Variants in WASHC2C observed in about 807,000 individuals in gnomAD.
WASHC2C encodes Vaccinia Penetration Factor.
A neutral mutation model predicts 142.2 loss-of-function variants in WASHC2C; 73 were observed. The ratio of observed to expected loss-of-function variants is 0.51; its 90% CI spans 0.43 to 0.62. WASHC2C has a LOEUF of 0.62. Ranked by LOEUF, WASHC2C falls within the 20% of genes least tolerant of loss-of-function variation. The pLI, the probability that WASHC2C is intolerant of heterozygous loss-of-function variation, is 0.00. For missense variants in WASHC2C, 969 were observed against 1,531.7 expected (o/e 0.63, Z 6.13); for synonymous variants, 337 against 565.5 (o/e 0.60, Z 5.73).
chr10:45,766,678 A>G (rs2055871734), intron 19 of WASHC2C, among the ~76,000 whole-genome samples: 1 of 145,166 alleles, frequency 6.9e-6, no homozygotes, highest in African/African-American at 2.6e-5. Flanking sequence ...GAGTCTTAAC[A>G]ATATTTCTGT....
intron 3 of WASHC2C, among the ~76,000 whole-genome samples, chr10:45,735,718 G>A (rs1341354174): frequency 6.6e-6 from 1 of 152,220 alleles, no homozygotes; most frequent in Non-Finnish European, 1.5e-5. Context: ...TAAATTTCAA[G>A]AAGTAGAATT....
chr10:45,727,612 C>T, intron 2 of WASHC2C, 73 bp downstream of exon 2: 1 of 1,472,254 alleles, frequency 6.8e-7, no homozygotes, highest in South Asian at 1.3e-5. Flanking sequence ...GGCCGGACCG[C>T]GACTGCCCCT....
At chr10:45,762,312 A>G (rs1482584288) in intron 17 of WASHC2C, among the ~76,000 whole-genome samples, 1 of 152,134 alleles carries the variant, frequency 6.6e-6, no homozygotes, top group Admixed American at 6.5e-5. Flanking sequence ...TTCCAGGTTC[A>G]AGCAATTCTC....
rs2058247063 is a variant in WASHC2C, at chr10:45,789,064, A to G, written c.3281A>G (p.Glu1094Gly). 14 of 1,612,024 alleles carry G rather than the reference A, an allele frequency of 8.7e-6. No homozygotes were observed. Among genetic ancestry groups the G allele is most frequent in the Non-Finnish European group, 9.3e-6 (11 of 1,179,852 alleles). ...GCCAGTGGAGAAGACAGCACTGAGG[A>G]GGCCCTGGCAGCTGCCGCTGCACCT... Reference protein sequence around the residue: ...RAASGEDSTEEALAAAAAPWE... With the variant: ...RAASGEDSTEGALAAAAAPWE... The change falls in exon 29 of 31, where the codon GAG becomes GGG. Residue 1094 changes from glutamate to glycine, a missense_variant. Transcript: ENST00000623400.
In WASHC2C at chr10:45,792,838, A is replaced by G. The variant is rs1178112569; in HGVS notation, c.*438A>G. ...GAGATTATACTTCATGAGTCTTAGC[A>G]ATATGGGAGCAGGTTTTCACTGAAT... On this transcript the variant is annotated 3_prime_UTR_variant, in exon 31 of 31. Coordinates refer to ENST00000623400, the MANE Select transcript of WASHC2C (RefSeq NM_001330074.2). 1.3e-5 allele frequency: 6 copies of G among 473,022 alleles called. No individual in the cohort carries two copies. The East Asian group carries it at 4.1e-4, about 32-fold the overall frequency. 29.3% of individuals were successfully genotyped at this position (473,022 alleles called of 1,614,324 possible).
chr10:45,760,077 G>A (rs2054899158), intron 17 of WASHC2C, among the ~76,000 whole-genome samples: 1 of 147,630 alleles, frequency 6.8e-6, no homozygotes, highest in Non-Finnish European at 1.5e-5. Flanking sequence ...TGCTGTAGCA[G>A]ATGGGTTCTG....
At position 45,769,322 on chromosome 10, in the gene WASHC2C, G is replaced by A. The variant is rs1453840313; in HGVS notation, c.1870-127G>A. 3.3e-4 allele frequency: 470 copies of A among 1,437,200 alleles called. 3 individuals carry two copies. Among genetic ancestry groups the A allele is most frequent in the Non-Finnish European group, 4.3e-4 (453 of 1,064,554 alleles). The allele number at this position is 1,437,200 out of a possible 1,614,324, so 89.0% of individuals were successfully genotyped here. On this transcript the variant is annotated intron_variant, in intron 19 of 30. Transcript: ENST00000623400. ...TTTAGTAGAGATGGGGTTTCACCGTGTTAGCAAGGATGGTCTTGATCTGCT... is the reference window on the plus strand; with the variant it reads ...TTTAGTAGAGATGGGGTTTCACCGTATTAGCAAGGATGGTCTTGATCTGCT...
intron 21 of WASHC2C, among the ~76,000 whole-genome samples, chr10:45,774,729 T>C (rs1320601614): frequency 4.1e-5 from 2 of 49,292 alleles, no homozygotes; most frequent in African/African-American, 1.5e-4. Flanking sequence ...TGAGAACTAC[T>C]AGCCCAGTAA....
chr10:45,755,647 A>C (rs2054181626), intron 15 of WASHC2C, among the ~76,000 whole-genome samples: 1 of 152,246 alleles, frequency 6.6e-6, no homozygotes, highest in Non-Finnish European at 1.5e-5. Flanking sequence ...TTGTTTTTAA[A>C]TGTGCAGATG....
chr10:45,767,475 G>GT (rs1358942135), intron 19 of WASHC2C, among the ~76,000 whole-genome samples: 1 of 152,416 alleles, frequency 6.6e-6, no homozygotes, highest in East Asian at 1.9e-4. Context: ...AGATTATCCA[G>GT]TTTTTTTCTT....
At position 45,769,498 on chromosome 10, in the gene WASHC2C, G is replaced by A. The variant is rs529729619; in HGVS notation, c.1919G>A (p.Arg640Lys). ...CAGACCCACTTAGCATCTGACAGCAGGTCTAAAGGAGAACCCAGGGATTCT... is the reference window on the plus strand; with the variant it reads ...CAGACCCACTTAGCATCTGACAGCAAGTCTAAAGGAGAACCCAGGGATTCT... ...ASQTHLASDSRSKGEPRDSGT... is the reference protein window; with the variant it reads ...ASQTHLASDSKSKGEPRDSGT... Residue 640 changes from arginine to lysine, a missense_variant, in exon 20 of 31, where the codon AGG (arginine) becomes AAG (lysine). Arg to Lys is a conservative substitution (Grantham distance 26). Coordinates refer to ENST00000623400, the MANE Select transcript of WASHC2C (RefSeq NM_001330074.2). 4.3e-6 allele frequency: 7 copies of A among 1,611,342 alleles called. No individual in the cohort carries two copies. The African/African-American group carries it at 8.0e-5, about 18-fold the overall frequency.
chr10:45,785,661 T>C (rs782807926), intron 26 of WASHC2C, 30 bp downstream of exon 26: 18 of 1,612,480 alleles, frequency 1.1e-5, no homozygotes, highest in African/African-American at 5.3e-5. Flanking sequence ...GATTTTCAGC[T>C]CTTGTTTGCA....
chr10:45,728,769 C>T (rs2050213299), intron 2 of WASHC2C, 93 bp from the exon 3 acceptor site: 6 of 1,422,988 alleles, frequency 4.2e-6, no homozygotes, highest in Non-Finnish European at 5.7e-6. Context: ...TTCTAACACT[C>T]AAAGGTGAAA....
rs1221801952 is a variant in WASHC2C, at chr10:45,790,028, G to C, written c.3709-328G>C. On this transcript the variant is annotated intron_variant, in intron 29 of 30. Transcript: ENST00000623400. ...CTGGGAAGATAATCAAATACAAACA[G>C]GGCAATGGATAATTAAGATGTTTTC... Among the ~76,000 whole-genome samples, 3 of 152,358 alleles carry C rather than the reference G, an allele frequency of 2.0e-5. No homozygotes were observed. The East Asian group carries it at 5.8e-4, about 29-fold the overall frequency.
chr10:45,785,465 T>A (rs782413730), intron 25 of WASHC2C, 44 bp from the exon 26 acceptor site: 22 of 1,607,636 alleles, frequency 1.4e-5, no homozygotes, highest in Non-Finnish European at 4.2e-6. Context: ...CCTTAAAACT[T>A]CTAAGATATT....
chr10:45,742,967 T>C (rs2052315265), intron 5 of WASHC2C, among the ~76,000 whole-genome samples: 1 of 151,086 alleles, frequency 6.6e-6, no homozygotes, highest in Non-Finnish European at 1.5e-5. Flanking sequence ...CACTGTTTCC[T>C]GGGTTCAAGT....
chr10:45,733,316 G>A (rs2050825772), intron 3 of WASHC2C, among the ~76,000 whole-genome samples: 1 of 152,238 alleles, frequency 6.6e-6, no homozygotes, highest in African/African-American at 2.4e-5. Context: ...CTGATATTTA[G>A]GGATCCAGTG....
At chr10:45,773,081 T>C (rs2056744436) in intron 20 of WASHC2C, among the ~76,000 whole-genome samples, 175 bp from the exon 21 acceptor site, 1 of 144,132 alleles carries the variant, frequency 6.9e-6, no homozygotes, top group Middle Eastern at 3.2e-3. Context: ...TCAGATTTCA[T>C]CTATTTCAAA....
upstream of WASHC2C, chr10:45,727,223 C>T: frequency 2.6e-6 from 4 of 1,511,350 alleles, no homozygotes; most frequent in South Asian, 3.8e-5. Flanking sequence ...AGGCCGGTCA[C>T]GCCCCGGGCA....
Sources: gnomAD v4.1 joint callset for allele counts (sites outside exome capture counted in the v4.1 genomes callset) on GRCh38, gnomAD v4.1.1 for gene constraint, MANE v1.5 for transcripts, NCBI Gene and HGNC (gene_info 2026-07-23, HGNC 2026-07-21) for gene names.